The following ATP1A4 variants were observed in gnomAD, a reference collection of about 807,000 sequenced individuals.
ATP1A4 encodes the protein ATPase Na+/K+ transporting subunit alpha 4, also known as sodium/potassium-transporting ATPase subunit alpha-4.
In ATP1A4, 90 loss-of-function variants were observed where a neutral mutation model predicts 114.3. The observed-to-expected ratio is 0.79, with a 90% CI of 0.66 to 0.94. The LOEUF (loss-of-function observed/expected upper bound fraction) is 0.94, where lower values mean the gene tolerates loss of function less well. Among genes scored for constraint, ATP1A4 ranks in the 40% least tolerant of loss-of-function variants. The pLI is 0.00. For synonymous variants in ATP1A4, 511 were observed against 494.1 expected (o/e 1.03, Z -0.45); for missense variants, 1,222 against 1,313.6 (o/e 0.93, Z 1.08).
At chr1:160,174,082 A>G (rs1417962666) in intron 13 of ATP1A4, 29 bp from the exon 14 acceptor site, 3 of 1,611,036 alleles carry the variant, frequency 1.9e-6, no homozygotes, top group Middle Eastern at 1.7e-4. Context: ...AACACTCAAA[A>G]CTAGCCTTTT....
intron 12 of ATP1A4, among the ~76,000 whole-genome samples, chr1:160,171,977 T>C (rs932324144): frequency 6.6e-6 from 1 of 152,126 alleles, no homozygotes; most frequent in East Asian, 1.9e-4. Context: ...AAATCGGATG[T>C]CTAGGACACA....
At chr1:160,170,898 T>C (rs1196081986) in intron 10 of ATP1A4, 2 of 183,944 alleles carry the variant, frequency 1.1e-5, no homozygotes, top group African/African-American at 2.4e-5. Context: ...CGACTCTTTT[T>C]CTTTCCTGTC....
rs1366299759 is a variant in ATP1A4 at position 160,174,685 on chromosome 1, A to G, written c.2249A>G (p.Gln750Arg). 2 of 1,614,172 alleles carry G rather than the reference A, an allele frequency of 1.2e-6. No homozygotes were observed. Among genetic ancestry groups the G allele is most frequent in the Non-Finnish European group, 1.7e-6 (2 of 1,180,036 alleles). The change falls in exon 15 of 22, where the codon CAG (glutamine) becomes CGG (arginine). Residue 750 changes from glutamine (Q) to arginine (R), a missense_variant. Coordinates refer to ENST00000368081, the MANE Select transcript of ATP1A4 (RefSeq NM_144699.4). ...MGISGSDVSK[Q>R]AADMILLDDN... ...ATCTCTGGCTCTGACGTCTCTAAGC[A>G]GGCAGCCGACATGATCCTGCTGGAT... is the stretch of plus-strand genomic sequence containing the variant.
intron 17 of ATP1A4, among the ~76,000 whole-genome samples, 185 bp downstream of exon 17, chr1:160,176,787 C>A (rs1395635128): frequency 6.6e-6 from 1 of 152,188 alleles, no homozygotes; most frequent in Non-Finnish European, 1.5e-5. Flanking sequence ...ACAAAAGGAA[C>A]AAACATACAT....
At chr1:160,163,127 G>A (rs1652914978) in intron 6 of ATP1A4, among the ~76,000 whole-genome samples, 1 of 152,056 alleles carries the variant, frequency 6.6e-6, no homozygotes, top group African/African-American at 2.4e-5. Context: ...ATTCAGACTC[G>A]GCATGTCTTG....
intron 15 of ATP1A4, 33 bp from the exon 16 acceptor site, chr1:160,176,059 G>C (rs757058270): frequency 6.2e-7 from 1 of 1,613,326 alleles, no homozygotes; most frequent in East Asian, 2.2e-5. Context: ...GTTCTCCCAG[G>C]GCTTCTCACA....
chr1:160,155,791 C>T (rs981391772), intron 3 of ATP1A4, among the ~76,000 whole-genome samples: 7 of 152,176 alleles, frequency 4.6e-5, no homozygotes, highest in African/African-American at 1.7e-4. Context: ...CAGAGATTAG[C>T]CTTCCTGGAG....
In ATP1A4 at chr1:160,167,356, A is replaced by G. The variant is rs41288137; in HGVS notation, c.1435A>G (p.Arg479Gly). ...EQSYSSVAEM[R>G]EKNPKVAEIP... is the part of the protein sequence containing the mutation. ...GTCTTACAGCTCTGTGGCGGAGATG[A>G]GAGAGAAAAACCCCAAGGTGGCAGA... Residue 479 changes from arginine (R) to glycine (G), a missense_variant, in exon 10 of 22, where the codon AGA (arginine) becomes GGA (glycine). Arg to Gly is a moderately radical substitution (Grantham distance 125). Transcript: ENST00000368081. 2.2e-5 allele frequency: 35 copies of G among 1,612,044 alleles called. No homozygotes were observed. The highest frequency in any genetic ancestry group is 5.1e-6 in the Non-Finnish European group (6 of 1,179,570).
chr1:160,155,110 C>T lies in ATP1A4; in HGVS notation c.273C>T (p.Pro91=), dbSNP rs114716567. The T allele has an allele frequency of 8.3e-4, 1,337 of 1,613,972 alleles. 10 individuals carry two copies. The African/African-American group carries it at 0.014, about 17-fold the overall frequency. ...GTGGACCCAATACTGTTACCCCACC[C>T]CCCACCACTCCAGAATGGGTCAAAT... ...TRGGPNTVTP[P]PTTPEWVKFC... Residue 91 remains proline, a synonymous_variant, in exon 3 of 22, where the codon CCC becomes CCT. Coordinates refer to ENST00000368081, the MANE Select transcript of ATP1A4 (RefSeq NM_144699.4).
chr1:160,174,034 A>G (rs1653360620), intron 13 of ATP1A4, 77 bp from the exon 14 acceptor site: 26 of 1,520,426 alleles, frequency 1.7e-5, no homozygotes, highest in Non-Finnish European at 2.2e-5. Flanking sequence ...CAATGAAGCT[A>G]TAGTCAAGAT....
At chr1:160,164,469 C>A (rs935910687) in intron 7 of ATP1A4, 45 bp downstream of exon 7, 1 of 1,602,278 alleles carries the variant, frequency 6.2e-7, no homozygotes, top group South Asian at 1.1e-5. Context: ...GACAAACCAC[C>A]CCAGGGAAAA....
chr1:160,158,050 G>A (rs1652728845), intron 4 of ATP1A4, among the ~76,000 whole-genome samples: 1 of 152,144 alleles, frequency 6.6e-6, no homozygotes, highest in South Asian at 2.1e-4. Flanking sequence ...AGAGTTTTGG[G>A]ACAAAGTGTT....
chr1:160,173,494 G>C (rs1653339344), intron 12 of ATP1A4, 87 bp from the exon 13 acceptor site: 1 of 1,536,346 alleles, frequency 6.5e-7, no homozygotes, highest in Non-Finnish European at 8.9e-7. Context: ...GAAAAAAGCA[G>C]TGGTCTGTCA....
Position 160,167,259 on chromosome 1 carries a change from A to G in ATP1A4, c.1357-19A>G. ...GTAGCATGCCCCTGGGGCTTACTAT[A>G]CAAACCCCATCCTGGCAGAGGGCCA... On this transcript the variant is annotated intron_variant, in intron 9 of 21. Coordinates refer to ENST00000368081, the MANE Select transcript of ATP1A4 (RefSeq NM_144699.4). 1.3e-6 allele frequency: 2 copies of G among 1,594,058 alleles called. No homozygotes were observed. The highest frequency in any genetic ancestry group is 1.7e-6 in the Non-Finnish European group (2 of 1,171,604).
chr1:160,153,963 G>T (rs1652547414), intron 2 of ATP1A4, among the ~76,000 whole-genome samples: 1 of 152,146 alleles, frequency 6.6e-6, no homozygotes, highest in African/African-American at 2.4e-5. Context: ...GTGATTGGCA[G>T]GTTCTACTAT....
intron 20 of ATP1A4, among the ~76,000 whole-genome samples, chr1:160,182,322 T>A (rs539190242): frequency 3.3e-5 from 5 of 152,342 alleles, no homozygotes; most frequent in African/African-American, 1.2e-4. Flanking sequence ...GCTGTAGTTG[T>A]CCAAGGATAC....
At chr1:160,174,923 C>G (rs190663265) in intron 15 of ATP1A4, among the ~76,000 whole-genome samples, 176 bp downstream of exon 15, 2 of 152,334 alleles carry the variant, frequency 1.3e-5, no homozygotes, top group East Asian at 1.9e-4. Context: ...CATAGACCAT[C>G]ACTATCTGCA....
chr1:160,181,402 A>G (rs1653696240), intron 18 of ATP1A4, among the ~76,000 whole-genome samples: 1 of 151,956 alleles, frequency 6.6e-6, no homozygotes, highest in African/African-American at 2.4e-5. Flanking sequence ...AAAATACACA[A>G]AAATTAGCTG....
rs2369476 is a variant in ATP1A4, at chr1:160,151,698, G to T, written c.-343G>T. The T allele has an allele frequency of 0.25, 50,168 of 198,104 alleles. 6,943 individuals carry two copies. Among genetic ancestry groups the T allele is most frequent in the South Asian group, 0.35 (2,293 of 6,564 alleles). The allele number at this position is 198,104 out of a possible 1,614,324, so 12.3% of individuals were successfully genotyped here. A position where few individuals can be genotyped will look rare whatever the true frequency, so the allele number is the denominator to read the frequency against. On this transcript the variant is annotated 5_prime_UTR_variant, in exon 1 of 22. Coordinates refer to ENST00000368081, the MANE Select transcript of ATP1A4 (RefSeq NM_144699.4). ...CTTCATCACTGAGGCACCTGGTTAC[G>T]CTTCACCTCTTGTTTCCTGCCCTCA...
Sources: allele counts gnomAD v4.1 joint callset (sites outside exome capture counted in the v4.1 genomes callset), GRCh38; gene constraint gnomAD v4.1.1; transcripts MANE v1.5; gene names NCBI Gene and HGNC (gene_info 2026-07-23, HGNC 2026-07-21).